LHPP: variants seen among roughly 807,000 people sequenced by gnomAD.
LHPP encodes the protein hLHPP.
In LHPP, 24 loss-of-function variants were observed where a neutral mutation model predicts 30.3. The observed-to-expected ratio is 0.79, with a 90% CI of 0.57 to 1.11. The LOEUF is 1.11. Among genes scored for constraint, LHPP ranks in the 50% most tolerant of loss-of-function variants. The probability of loss-of-function intolerance (pLI) is 0.00; values close to 1 mark genes in which losing one functional copy is unlikely to be tolerated. For missense variants in LHPP, 356 were observed against 367.2 expected (o/e 0.97, Z 0.25); for synonymous variants, 150 against 157.1 (o/e 0.95, Z 0.34).
chr10:124,528,230 C>T (rs1299904738), intron 6 of LHPP, among the ~76,000 whole-genome samples: 1 of 152,256 alleles, frequency 6.6e-6, no homozygotes, highest in African/African-American at 2.4e-5. Context: ...GTCTGTCCTG[C>T]TAGACCAGGC....
In LHPP at chr10:124,541,593, C is replaced by T. The variant is rs1212804971; in HGVS notation, c.716+24322C>T. ...CTCATGCCTGTCTGCAGGACCCCCG[C>T]GTGAGCCTGGGACCACCCGTGGGGA... is the stretch of plus-strand genomic sequence containing the variant. On this transcript the variant is annotated intron_variant, in intron 6 of 6. Coordinates refer to ENST00000368842, the MANE Select transcript of LHPP (RefSeq NM_022126.4). The surrounding 1 kb of genome is among the most constrained non-coding windows in gnomAD (Gnocchi z 4.2). 6.6e-6 allele frequency among the ~76,000 whole-genome samples: 1 copy of T among 152,092 alleles called. No individual in the cohort carries two copies.
At chr10:124,578,916 C>T (rs1948707287) in intron 6 of LHPP, among the ~76,000 whole-genome samples, 1 of 152,028 alleles carries the variant, frequency 6.6e-6, no homozygotes, top group Non-Finnish European at 1.5e-5. Flanking sequence ...AGGCCTCAGG[C>T]CTCCCTGGAG....
At chr10:124,570,157 G>C (rs1948560665) in intron 6 of LHPP, among the ~76,000 whole-genome samples, 1 of 152,208 alleles carries the variant, frequency 6.6e-6, no homozygotes, top group South Asian at 2.1e-4. Context: ...TAGCTTCCAG[G>C]ATTACTCTTA....
rs773603579 is a variant in LHPP, at chr10:124,498,101, G to A, written c.597G>A (p.Leu199=). ...KPSPEFFKSA[L]QAIGVEAHQA... Reference sequence around the variant, plus strand: ...CTCCTGAGTTTTTCAAGTCTGCCCTGCAAGCGATAGGAGTGGAAGCCCACC... The same window carrying A: ...CTCCTGAGTTTTTCAAGTCTGCCCTACAAGCGATAGGAGTGGAAGCCCACC... Residue 199 remains leucine, a synonymous_variant, in exon 5 of 7, where the codon CTG becomes CTA. Transcript: ENST00000368842. 21 of 1,613,918 alleles carry A rather than the reference G, an allele frequency of 1.3e-5. No homozygotes were observed. Among genetic ancestry groups the A allele is most frequent in the Non-Finnish European group, 1.7e-5 (20 of 1,179,990 alleles).
chr10:124,606,926 G>A (rs1221217244), intron 6 of LHPP, among the ~76,000 whole-genome samples: 2 of 152,222 alleles, frequency 1.3e-5, no homozygotes, highest in Admixed American at 1.3e-4. Flanking sequence ...CCCTCCATGT[G>A]TCTGTCTCTA....
chr10:124,604,390 C>T (rs1949066578), intron 6 of LHPP, among the ~76,000 whole-genome samples: 1 of 152,180 alleles, frequency 6.6e-6, no homozygotes, highest in African/African-American at 2.4e-5. Flanking sequence ...CTGAGGGTGG[C>T]CGTGCTGGGC....
At chr10:124,528,709 G>A (rs71488607) in intron 6 of LHPP, among the ~76,000 whole-genome samples, 1,550 of 152,324 alleles carry the variant, frequency 0.01, 13 homozygotes, top group Non-Finnish European at 0.017. Context: ...ACGGGAGGAG[G>A]CCCAACCCTG....
chr10:124,466,644 A>G (rs1952559641), intron 1 of LHPP, among the ~76,000 whole-genome samples: 1 of 151,594 alleles, frequency 6.6e-6, no homozygotes, highest in Non-Finnish European at 1.5e-5. Context: ...TTTAGTAGAG[A>G]TGGGGTTTTG....
chr10:124,542,720 G>C (rs1955228392), intron 6 of LHPP, among the ~76,000 whole-genome samples: 1 of 152,148 alleles, frequency 6.6e-6, no homozygotes, highest in Admixed American at 6.5e-5. Flanking sequence ...CCACCTCTCT[G>C]CCTCCTTCCA....
intron 6 of LHPP, among the ~76,000 whole-genome samples, chr10:124,598,720 C>T (rs1377167985): frequency 5.3e-5 from 8 of 151,954 alleles, no homozygotes; most frequent in African/African-American, 1.5e-4. Flanking sequence ...TCTGTCTACC[C>T]GTACACCTGT....
At position 124,593,538 on chromosome 10, in the gene LHPP, G is replaced by A. The variant is rs1220671566; in HGVS notation, c.717-19726G>A. Among the ~76,000 whole-genome samples the A allele has an allele frequency of 2.0e-5, 3 of 152,222 alleles. No homozygotes were observed. The highest frequency in any genetic ancestry group is 4.4e-5 in the Non-Finnish European group (3 of 68,032). ...TCTAGCCCCCGTGTGTTGGCTGCAT[G>A]ACCCGAACTTTACTCCCATGTCCTC... On this transcript the variant is annotated intron_variant, in intron 6 of 6. Transcript: ENST00000368842. This position sits in a 1 kb window ranked among gnomAD's most constrained non-coding sequence, Gnocchi z 4.9.
At chr10:124,534,535 C>T (rs960145469) in intron 6 of LHPP, among the ~76,000 whole-genome samples, 12 of 152,218 alleles carry the variant, frequency 7.9e-5, no homozygotes, top group African/African-American at 1.9e-4. Flanking sequence ...CTCAGACCCA[C>T]GACCTAACCA....
chr10:124,601,160 A>G (rs955939322), intron 6 of LHPP, among the ~76,000 whole-genome samples: 1 of 152,174 alleles, frequency 6.6e-6, no homozygotes, highest in African/African-American at 2.4e-5. Flanking sequence ...GGTAGGGGGA[A>G]GTGCACTAGA....
At chr10:124,560,893 C>A (rs1041191105) in intron 6 of LHPP, among the ~76,000 whole-genome samples, 6 of 152,208 alleles carry the variant, frequency 3.9e-5, no homozygotes, top group Non-Finnish European at 8.8e-5. Flanking sequence ...TAGAGACTTC[C>A]ACTTCCAGCA....
intron 6 of LHPP, among the ~76,000 whole-genome samples, chr10:124,543,875 C>A (rs532047948): frequency 6.6e-6 from 1 of 152,166 alleles, no homozygotes; most frequent in African/African-American, 2.4e-5. Flanking sequence ...CCAAAAGGAA[C>A]CACAGTTAGC....
chr10:124,600,793 A>G (rs1025274486), intron 6 of LHPP, among the ~76,000 whole-genome samples: 8 of 152,212 alleles, frequency 5.3e-5, no homozygotes, highest in African/African-American at 1.9e-4. Flanking sequence ...ACAGGAAGCC[A>G]ATGCCAGGCG....
rs547355533 is a variant in LHPP at position 124,567,035 on chromosome 10, G to A, written c.717-46229G>A. 5.9e-5 allele frequency among the ~76,000 whole-genome samples: 9 copies of A among 152,332 alleles called. No homozygotes were observed. The East Asian group carries it at 1.2e-3, about 20-fold the overall frequency. ...GCCCTGCTCAGCCTGCAGAGCTCCC[G>A]GTGGAGAGGGAGGGCGGGGGTCCAG... On this transcript the variant is annotated intron_variant, in intron 6 of 6. Coordinates refer to ENST00000368842, the MANE Select transcript of LHPP (RefSeq NM_022126.4).
At chr10:124,506,671 TG>T (rs1954081654) in intron 5 of LHPP, among the ~76,000 whole-genome samples, 1 of 47,584 alleles carries the variant, frequency 2.1e-5, no homozygotes, top group Non-Finnish European at 4.0e-5. Flanking sequence ...GATTTCAGGT[TG>T]GGGGGTAGGG....
At position 124,461,991 on chromosome 10, in the gene LHPP, A is replaced by AT; in HGVS notation, c.125+4_125+5insT. On this transcript the variant is annotated splice_donor_region_variant and intron_variant, in intron 1 of 6. Transcript: ENST00000368842. ...GCTCGGTGGAGGCGGTGGCCAGGTG[A>AT]GTGGGCCCCGGGACGCCGCTGGGGC... 2 of 1,212,550 alleles carry AT rather than the reference A, an allele frequency of 1.6e-6. No homozygotes were observed. Among genetic ancestry groups the AT allele is most frequent in the Non-Finnish European group, 2.1e-6 (2 of 973,560 alleles). 75.1% of individuals were successfully genotyped at this position (1,212,550 alleles called of 1,614,324 possible).
Sources: gnomAD v4.1 joint callset for allele counts (sites outside exome capture counted in the v4.1 genomes callset) on GRCh38, gnomAD v4.1.1 for gene constraint, Gnocchi (gnomAD v3.1) non-coding constraint, MANE v1.5 for transcripts, NCBI Gene and HGNC (gene_info 2026-07-23, HGNC 2026-07-21) for gene names.